The following F2 variants were observed in gnomAD, a reference collection of about 807,000 sequenced individuals.
F2 encodes the protein coagulation factor II, thrombin.
Under a neutral mutation model 81.9 loss-of-function variants are expected in F2, and 34 were observed. That is an observed-to-expected ratio of 0.42 (90% CI 0.32 to 0.55). F2 has a LOEUF of 0.55. Ranked by LOEUF, F2 falls within the 20% of genes least tolerant of loss-of-function variation. The pLI is 0.18. For synonymous variants in F2, 296 were observed against 326.4 expected, an observed-to-expected ratio of 0.91 and a Z score of 1.01; for missense variants, 630 against 833.4, an observed-to-expected ratio of 0.76 and a Z score of 3.00.
At chr11:46,724,323 C>T (rs1156478883) in intron 6 of F2, among the ~76,000 whole-genome samples, 1 of 152,132 alleles carries the variant, frequency 6.6e-6, no homozygotes, top group Non-Finnish European at 1.5e-5. Flanking sequence ...TCTGTAGGGT[C>T]AACTGACGGA....
chr11:46,734,278 T>G (rs968033389), intron 12 of F2, among the ~76,000 whole-genome samples: 2 of 152,098 alleles, frequency 1.3e-5, no homozygotes, highest in African/African-American at 4.8e-5. Flanking sequence ...TATAATTTTT[T>G]TGTGAATTGT....
At position 46,739,277 on chromosome 11, in the gene F2, A is replaced by C; in HGVS notation, c.1738A>C (p.Asn580His). 2 of 1,614,148 alleles carry C rather than the reference A, an allele frequency of 1.2e-6. No homozygotes were observed. Among genetic ancestry groups the C allele is most frequent in the African/African-American group, 2.7e-5 (2 of 75,026 alleles). The part of the protein sequence containing the change: ...GPFVMKSPFN[N>H]RWYQMGIVSW... ...CTTTCTTCTTCAGAGCCCCTTTAACAACCGCTGGTATCAAATGGGCATCGT... is the reference window on the plus strand; with the variant it reads ...CTTTCTTCTTCAGAGCCCCTTTAACCACCGCTGGTATCAAATGGGCATCGT... Residue 580 changes from asparagine (N) to histidine (H), a missense_variant, in exon 14 of 14, where the codon AAC becomes CAC. Asn to His is a moderately conservative substitution (Grantham distance 68). Coordinates refer to ENST00000311907, the MANE Select transcript of F2 (RefSeq NM_000506.5).
chr11:46,729,811 C>T (rs371412518), intron 12 of F2, among the ~76,000 whole-genome samples: 4 of 152,238 alleles, frequency 2.6e-5, no homozygotes, highest in East Asian at 3.9e-4. Context: ...CAAGAGGCTG[C>T]GGGTAGGGAA....
chr11:46,729,660 T>C lies in F2; in HGVS notation c.1654+99T>C, dbSNP rs530234587. ...GCCATGTGACTTTGAGCAAGTTGCC[T>C]AACCTCTTGGTGGCTCAGTTTCTTC... On this transcript the variant is annotated intron_variant, in intron 12 of 13. Transcript: ENST00000311907. 93 of 1,395,480 alleles carry C rather than the reference T, an allele frequency of 6.7e-5. No homozygotes were observed. The African/African-American group carries it at 1.0e-3, about 16-fold the overall frequency. The allele number at this position is 1,395,480 out of a possible 1,614,324, so 86.4% of individuals were successfully genotyped here. A position where few individuals can be genotyped will look rare whatever the true frequency, so the allele number is the denominator to read the frequency against.
chr11:46,739,165 G>T, intron 13 of F2, 47 bp downstream of exon 13: 1 of 1,613,748 alleles, frequency 6.2e-7, no homozygotes, highest in Non-Finnish European at 8.5e-7. Flanking sequence ...TCTTCTGGGG[G>T]TGGGGAGAAA....
intron 12 of F2, among the ~76,000 whole-genome samples, chr11:46,735,710 G>T (rs746203265): frequency 2.7e-5 from 4 of 150,094 alleles, no homozygotes; most frequent in Admixed American, 2.7e-4. Context: ...ATCACCTGAG[G>T]TCAGGAGTTC....
intron 9 of F2, 141 bp from the exon 10 acceptor site, chr11:46,727,855 C>T (rs779377292): frequency 9.4e-6 from 8 of 847,212 alleles, no homozygotes; most frequent in Middle Eastern, 3.5e-4. Flanking sequence ...GCCCCAAAGG[C>T]GGCCAGCCCA....
Position 46,723,930 on chromosome 11 carries a change from G to A in F2, c.559+412G>A, listed in dbSNP as rs183972448. On this transcript the variant is annotated intron_variant, in intron 6 of 13. Transcript: ENST00000311907. The surrounding 1 kb of genome is among the most constrained non-coding windows in gnomAD (Gnocchi z 5.6). Reference sequence around the variant, plus strand: ...GATGCTGGCCACCTTCAGAGCTGGCGTCAGTCATTCAGATCATATCTGTGC... The same window carrying A: ...GATGCTGGCCACCTTCAGAGCTGGCATCAGTCATTCAGATCATATCTGTGC... 1.3e-5 allele frequency among the ~76,000 whole-genome samples: 2 copies of A among 152,102 alleles called. No homozygotes were observed. Among genetic ancestry groups the A allele is most frequent in the East Asian group, 1.9e-4 (1 of 5,178 alleles).
In F2 at chr11:46,719,514, TG is replaced by T; in HGVS notation, c.80-183del. The T allele has an allele frequency of 4.3e-6, 4 of 937,244 alleles. No individual in the cohort carries two copies. Among genetic ancestry groups the T allele is most frequent in the Non-Finnish European group, 6.6e-6 (4 of 610,258 alleles). 58.1% of individuals were successfully genotyped at this position (937,244 alleles called of 1,614,324 possible). A position where few individuals can be genotyped will look rare whatever the true frequency, so the allele number is the denominator to read the frequency against. ...CTCTCTTCCAATATAGGGAGCAGGC[TG>T]GGGGCAAGGGGCAGTGTAGGAGGGG... is the stretch of plus-strand genomic sequence containing the variant. On this transcript the variant is annotated intron_variant, in intron 1 of 13. Coordinates refer to ENST00000311907, the MANE Select transcript of F2 (RefSeq NM_000506.5). The surrounding 1 kb of genome is among the most constrained non-coding windows in gnomAD (Gnocchi z 4.7).
Position 46,728,294 on chromosome 11 carries a change from T to A in F2, c.1298+131T>A. 4 of 1,076,810 alleles carry A rather than the reference T, an allele frequency of 3.7e-6. No individual in the cohort carries two copies. The highest frequency in any genetic ancestry group is 5.5e-6 in the Non-Finnish European group (4 of 726,000). 66.7% of individuals were successfully genotyped at this position (1,076,810 alleles called of 1,614,324 possible). A position where few individuals can be genotyped will look rare whatever the true frequency, so the allele number is the denominator to read the frequency against. ...CCCAGAATATAACATCCCAGCAGTC[T>A]CTGCTGGAAAGCCCATTTGGTCACG... On this transcript the variant is annotated intron_variant, in intron 10 of 13. Coordinates refer to ENST00000311907, the MANE Select transcript of F2 (RefSeq NM_000506.5). The surrounding 1 kb of genome is among the most constrained non-coding windows in gnomAD (Gnocchi z 5.1).
rs201584455 is a variant in F2 at position 46,730,862 on chromosome 11, C to CAAA, written c.1654+1313_1654+1315dup. On this transcript the variant is annotated intron_variant, in intron 12 of 13. Transcript: ENST00000311907. ...TTACCCATAAATACTTGAGTATTTC[C>CAAA]AAAAAAAAAAAAAATACCCAAGGAT... Among the ~76,000 whole-genome samples the CAAA allele has an allele frequency of 1.6e-3, 224 of 135,786 alleles. 1 individual carries two copies. Among genetic ancestry groups the CAAA allele is most frequent in the African/African-American group, 4.3e-3 (163 of 38,130 alleles). 89.1% of individuals were successfully genotyped at this position (135,786 alleles called of 152,430 possible).
At chr11:46,720,460 CATTT>C in intron 2 of F2, 59 bp from the exon 3 acceptor site, 1 of 1,594,006 alleles carries the variant, frequency 6.3e-7, no homozygotes, top group Non-Finnish European at 8.6e-7. Flanking sequence ...GGAGACATAA[CATTT>C]ACTAAAACAA....
In F2 at chr11:46,729,509, G is replaced by A. The variant is rs5900; in HGVS notation, c.1602G>A (p.Pro534=). ...QVVNLPIVER[P]VCKDSTRIRI... ...TGAACCTGCCCATTGTGGAGCGGCC[G>A]GTCTGCAAGGACTCCACCCGGATCC... Residue 534 remains proline (P), a synonymous_variant, in exon 12 of 14, where the codon CCG becomes CCA. Coordinates refer to ENST00000311907, the MANE Select transcript of F2 (RefSeq NM_000506.5). 32,653 of 1,613,962 alleles carry A rather than the reference G, an allele frequency of 0.02. 402 individuals carry two copies. Among genetic ancestry groups the A allele is most frequent in the Non-Finnish European group, 0.024 (28,833 of 1,179,912 alleles).
In F2 at chr11:46,728,767, C is replaced by G. The variant is rs1314736442; in HGVS notation, c.1402C>G (p.Leu468Val). The change falls in exon 11 of 14, where the codon CTG (leucine) becomes GTG (valine). Residue 468 changes from leucine (L) to valine (V), a missense_variant. Physicochemically the swap from Leu to Val is conservative, Grantham distance 32. Transcript: ENST00000311907. The surrounding 1 kb of genome is among the most constrained non-coding windows in gnomAD (Gnocchi z 5.1). ...GGACCGGGACATTGCCCTGATGAAG[C>G]TGAAGAAGCCTGTTGCCTTCAGTGA... Reference protein sequence around the residue: ...NLDRDIALMKLKKPVAFSDYI... With the variant: ...NLDRDIALMKVKKPVAFSDYI... 6.2e-7 allele frequency: 1 copy of G among 1,614,228 alleles called. No homozygotes were observed.
chr11:46,722,675 GTC>G (rs1463437763), intron 4 of F2, among the ~76,000 whole-genome samples: 1 of 152,256 alleles, frequency 6.6e-6, no homozygotes, highest in Non-Finnish European at 1.5e-5. Flanking sequence ...GAAAATGAGT[GTC>G]TGGTTTGCCA....
intron 12 of F2, among the ~76,000 whole-genome samples, chr11:46,731,912 G>GTTTTTTTTT (rs71042616): frequency 2.3e-5 from 2 of 88,156 alleles, no homozygotes; most frequent in African/African-American, 8.7e-5. Flanking sequence ...ACACTTTGAT[G>GTTTTTTTTT]TTTTTTTTTT....
chr11:46,727,038 T>C (rs986933520), intron 9 of F2, among the ~76,000 whole-genome samples: 2 of 152,236 alleles, frequency 1.3e-5, no homozygotes, highest in Non-Finnish European at 2.9e-5. Context: ...AGTCTTGCTC[T>C]GTCACCTAGG....
rs377529931 is a variant in F2 at position 46,726,556 on chromosome 11, C to T, written c.933C>T (p.Ile311=). The change falls in exon 8 of 14, where the codon ATC becomes ATT. Residue 311 remains isoleucine (I), a synonymous_variant. Transcript: ENST00000311907. This position sits in a 1 kb window ranked among gnomAD's most constrained non-coding sequence, Gnocchi z 5.9. ...TGGATGAGGACTCAGACAGGGCCAT[C>T]GAAGGGCGTACCGCCACCAGTGAGT... ...DGLDEDSDRA[I]EGRTATSEYQ... is the part of the protein sequence containing the mutation. The T allele has an allele frequency of 6.8e-6, 11 of 1,613,920 alleles. No individual in the cohort carries two copies. The highest frequency in any genetic ancestry group is 1.7e-5 in the Admixed American group (1 of 60,002).
Position 46,739,378 on chromosome 11 carries a change from A to C in F2, c.1839A>C (p.Ile613=). 1.2e-6 allele frequency: 2 copies of C among 1,614,176 alleles called. No individual in the cohort carries two copies. Among genetic ancestry groups the C allele is most frequent in the Non-Finnish European group, 1.7e-6 (2 of 1,180,040 alleles). Residue 613 remains isoleucine, a synonymous_variant, in exon 14 of 14, where the codon ATA becomes ATC. Transcript: ENST00000311907. ...ATGTGTTCCGCCTGAAGAAGTGGAT[A>C]CAGAAGGTCATTGATCAGTTTGGAG... ...YTHVFRLKKW[I]QKVIDQFGE
Sources: gnomAD v4.1 joint callset for allele counts (sites outside exome capture counted in the v4.1 genomes callset) on GRCh38, gnomAD v4.1.1 for gene constraint, Gnocchi (gnomAD v3.1) non-coding constraint, MANE v1.5 for transcripts, NCBI Gene and HGNC (gene_info 2026-07-23, HGNC 2026-07-21) for gene names.